The following GRAMD1A variants were observed in gnomAD, a reference collection of about 807,000 sequenced individuals.
GRAMD1A encodes the protein GRAM domain containing 1A, also known as protein Aster-A.
Under a neutral mutation model 92.0 loss-of-function variants are expected in GRAMD1A, and 50 were observed. The ratio of observed to expected loss-of-function variants is 0.54; its 90% CI spans 0.43 to 0.69. The LOEUF (loss-of-function observed/expected upper bound fraction) is 0.69. Ranked by LOEUF, GRAMD1A falls within the 30% of genes least tolerant of loss-of-function variation. The pLI, the probability that GRAMD1A is intolerant of heterozygous loss-of-function variation, is 0.00. For missense variants in GRAMD1A, 819 were observed against 978.9 expected (o/e 0.84, Z 2.18); for synonymous variants, 405 against 403.6 (o/e 1.00, Z -0.04).
chr19:35,021,416 G>A lies in GRAMD1A; in HGVS notation c.1476-86G>A, dbSNP rs1367296586. 1.4e-5 allele frequency: 14 copies of A among 973,496 alleles called. No homozygotes were observed. The highest frequency in any genetic ancestry group is 6.4e-5 in the African/African-American group (4 of 62,616). The allele number at this position is 973,496 out of a possible 1,614,324, so 60.3% of individuals were successfully genotyped here. On this transcript the variant is annotated intron_variant, in intron 13 of 19. Transcript: ENST00000317991. This position sits in a 1 kb window ranked among gnomAD's most constrained non-coding sequence, Gnocchi z 5.3. ...TGACAAGGGGCCCTCTCTGAATTAGGGGAAGGAAAAAACTCAGCTTGTGGG... is the reference window on the plus strand; with the variant it reads ...TGACAAGGGGCCCTCTCTGAATTAGAGGAAGGAAAAAACTCAGCTTGTGGG...
At chr19:35,022,695 A>G (rs66569532) in intron 16 of GRAMD1A, among the ~76,000 whole-genome samples, 10,998 of 140,870 alleles carry the variant, frequency 0.078, 155 homozygotes, top group African/African-American at 0.096. Context: ...AAACAGAAGC[A>G]GGATCCCGGG....
intron 7 of GRAMD1A, among the ~76,000 whole-genome samples, chr19:35,012,257 A>G (rs2015296197): frequency 2.0e-5 from 3 of 152,236 alleles, no homozygotes; most frequent in South Asian, 4.1e-4. Context: ...ACATCTCAGC[A>G]CTGCTACTTC....
intron 1 of GRAMD1A, chr19:35,002,973 A>T (rs2014499975): frequency 6.6e-6 from 1 of 152,114 alleles, no homozygotes; most frequent in Non-Finnish European, 1.5e-5. Flanking sequence ...GACCCTCTGC[A>T]GCTCTGTGTC....
chr19:35,022,029 T>C lies in GRAMD1A; in HGVS notation c.1832T>C (p.Ile611Thr). The change falls in exon 16 of 20, where the codon ATC becomes ACC. Residue 611 changes from isoleucine to threonine, a missense_variant. Physicochemically the swap from Ile to Thr is moderately conservative, Grantham distance 89. This residue lies in a region of GRAMD1A where 577 missense variants were observed against 674.6 expected (regional missense o/e 0.86). Coordinates refer to ENST00000317991, the MANE Select transcript of GRAMD1A (RefSeq NM_020895.5). ...GAGIPSALVL[I>T]SIVICVSLII... The stretch of plus-strand genomic sequence containing the variant: ...GGCATCCCCAGTGCCCTGGTTCTCA[T>C]CAGCATTGTGTGAGTAAGAGACAGG... The C allele has an allele frequency of 6.2e-7, 1 of 1,612,602 alleles. No individual in the cohort carries two copies. Among genetic ancestry groups the C allele is most frequent in the Non-Finnish European group, 8.5e-7 (1 of 1,178,836 alleles).
chr19:35,013,417 G>C lies in GRAMD1A; in HGVS notation c.719+49G>C. ...TGAAGGGTTCGGGGGAGAACAGGAC[G>C]GTCGGCGTGCAGAGTTCCTGGAGTG... On this transcript the variant is annotated intron_variant, in intron 8 of 19. Coordinates refer to ENST00000317991, the MANE Select transcript of GRAMD1A (RefSeq NM_020895.5). The surrounding 1 kb of genome is among the most constrained non-coding windows in gnomAD (Gnocchi z 4.9). 2.0e-6 allele frequency: 3 copies of C among 1,500,134 alleles called. No homozygotes were observed. Among genetic ancestry groups the C allele is most frequent in the Non-Finnish European group, 2.8e-6 (3 of 1,086,966 alleles). The allele number at this position is 1,500,134 out of a possible 1,614,324, so 92.9% of individuals were successfully genotyped here.
intron 11 of GRAMD1A, 73 bp downstream of exon 11, chr19:35,016,040 C>T: frequency 3.3e-6 from 5 of 1,501,080 alleles, no homozygotes; most frequent in Non-Finnish European, 4.5e-6. Context: ...TAGCCCAGGA[C>T]AGGGGAAGGC....
intron 19 of GRAMD1A, among the ~76,000 whole-genome samples, chr19:35,025,837 G>A (rs546082204): frequency 1.3e-5 from 2 of 152,114 alleles, no homozygotes; most frequent in African/African-American, 4.8e-5. Flanking sequence ...AGGCCATCGG[G>A]GTCACAGGCA....
chr19:35,018,338 G>A (rs936603917), intron 11 of GRAMD1A, among the ~76,000 whole-genome samples: 2 of 152,186 alleles, frequency 1.3e-5, no homozygotes, highest in African/African-American at 4.8e-5. Context: ...CAAAGGGGGA[G>A]CAAGTGAGAG....
chr19:35,017,901 A>T (rs914511371), intron 11 of GRAMD1A, among the ~76,000 whole-genome samples: 1 of 152,186 alleles, frequency 6.6e-6, no homozygotes, highest in African/African-American at 2.4e-5. Flanking sequence ...ACAGGAGTTC[A>T]TCTATCCTGG....
rs1221776512 is a variant in GRAMD1A, at chr19:35,021,097, T to C, written c.1476-405T>C. Among the ~76,000 whole-genome samples the C allele has an allele frequency of 2.0e-5, 3 of 151,898 alleles. No individual in the cohort carries two copies. The highest frequency in any genetic ancestry group is 4.4e-5 in the Non-Finnish European group (3 of 67,980). Reference sequence around the variant, plus strand: ...CCCAGATGGGGGCGGCAGGGAGGAATGGGTTTGGGGAAAGACCAGGAGGTC... The same window carrying C: ...CCCAGATGGGGGCGGCAGGGAGGAACGGGTTTGGGGAAAGACCAGGAGGTC... On this transcript the variant is annotated intron_variant, in intron 13 of 19. Coordinates refer to ENST00000317991, the MANE Select transcript of GRAMD1A (RefSeq NM_020895.5). This position sits in a 1 kb window ranked among gnomAD's most constrained non-coding sequence, Gnocchi z 5.3.
chr19:35,024,886 CAA>C, intron 19 of GRAMD1A: 1 of 152,326 alleles, frequency 6.6e-6, no homozygotes, highest in South Asian at 2.1e-4. Context: ...ACTCCTGACT[CAA>C]GTGATCCTCC....
intron 19 of GRAMD1A, 142 bp from the exon 20 acceptor site, chr19:35,025,907 G>A (rs2016398165): frequency 6.2e-6 from 4 of 646,788 alleles, no homozygotes; most frequent in South Asian, 1.7e-5. Context: ...GCATGGCTGT[G>A]CTCTTTTCAC....
At position 35,019,396 on chromosome 19, in the gene GRAMD1A, G is replaced by C. The variant is rs374931697; in HGVS notation, c.1338G>C (p.Leu446=). 17 of 1,613,698 alleles carry C rather than the reference G, an allele frequency of 1.1e-5. No individual in the cohort carries two copies. The African/African-American group carries it at 2.0e-4, about 19-fold the overall frequency. Residue 446 remains leucine (L), a synonymous_variant, in exon 13 of 20, where the codon CTG becomes CTC. Coordinates refer to ENST00000317991, the MANE Select transcript of GRAMD1A (RefSeq NM_020895.5). The part of the protein sequence containing the change: ...KSASVVETQT[L]FRRGPQAGGC... ...CTCCGGCTCTGTCCCTGCAGACGCT[G>C]TTCCGGCGCGGCCCCCAGGCCGGCG...
chr19:35,019,426 T>C lies in GRAMD1A; in HGVS notation c.1368T>C (p.Cys456=). 1 of 1,613,798 alleles carries C rather than the reference T, an allele frequency of 6.2e-7. No homozygotes were observed. Among genetic ancestry groups the C allele is most frequent in the South Asian group, 1.1e-5 (1 of 91,076 alleles). The stretch of plus-strand genomic sequence containing the variant: ...GGCGCGGCCCCCAGGCCGGCGGGTG[T>C]GTGGTGGACTCCGAGGTGCTGACGC... ...LFRRGPQAGG[C]VVDSEVLTQG... Residue 456 remains cysteine, a synonymous_variant, in exon 13 of 20, where the codon TGT becomes TGC. Coordinates refer to ENST00000317991, the MANE Select transcript of GRAMD1A (RefSeq NM_020895.5).
chr19:35,022,987 T>C (rs1329206440), intron 17 of GRAMD1A, 76 bp downstream of exon 17: 4 of 988,438 alleles, frequency 4.0e-6, no homozygotes, highest in East Asian at 3.7e-5. Flanking sequence ...CCCCACCCCA[T>C]GCCCCCCAGC....
rs1323710857 is a variant in GRAMD1A, at chr19:35,000,348, T to G, written c.-131T>G. 4.6e-6 allele frequency: 5 copies of G among 1,080,544 alleles called. No homozygotes were observed. The highest frequency in any genetic ancestry group is 2.2e-6 in the Non-Finnish European group (2 of 893,368). The allele number at this position is 1,080,544 out of a possible 1,614,324, so 66.9% of individuals were successfully genotyped here. ...CTTTTGTGCGGGCGGTTGGGTCGGG[T>G]GGGGGCGGCGGCCGCGGAAGGCCAG... On this transcript the variant is annotated 5_prime_UTR_variant, in exon 1 of 20. Coordinates refer to ENST00000317991, the MANE Select transcript of GRAMD1A (RefSeq NM_020895.5). The surrounding 1 kb of genome is among the most constrained non-coding windows in gnomAD (Gnocchi z 4.9).
At chr19:35,018,671 G>T (rs2015815776) in intron 11 of GRAMD1A, among the ~76,000 whole-genome samples, 1 of 152,220 alleles carries the variant, frequency 6.6e-6, no homozygotes, top group Non-Finnish European at 1.5e-5. Context: ...TCAAGGGAAG[G>T]CTGGCAGGGG....
At position 35,026,319 on chromosome 19, in the gene GRAMD1A, T is replaced by A; in HGVS notation, c.*178T>A. On this transcript the variant is annotated 3_prime_UTR_variant, in exon 20 of 20. Transcript: ENST00000317991. The stretch of plus-strand genomic sequence containing the variant: ...CGAGATGCACTTTAGACCAGGGAGC[T>A]GGCCCGGCCTCTGGCAGGCCCCCCA... 1.7e-6 allele frequency: 1 copy of A among 591,930 alleles called. No homozygotes were observed. The allele number at this position is 591,930 out of a possible 1,614,324, so 36.7% of individuals were successfully genotyped here.
At chr19:35,010,664 C>T (rs1462820556) in intron 6 of GRAMD1A, 11 of 587,470 alleles carry the variant, frequency 1.9e-5, no homozygotes, top group Non-Finnish European at 3.0e-5. Context: ...TCGTAAGTCT[C>T]CCCGATGTTG....
Sources: allele counts gnomAD v4.1 joint callset (sites outside exome capture counted in the v4.1 genomes callset), GRCh38; gene constraint gnomAD v4.1.1; regional missense constraint gnomAD v4.1.1; non-coding constraint Gnocchi (gnomAD v3.1); transcripts MANE v1.5; gene names NCBI Gene and HGNC (gene_info 2026-07-23, HGNC 2026-07-21).